C12orf75: variants seen among roughly 807,000 people sequenced by gnomAD.
C12orf75 encodes chromosome 12 open reading frame 75, also known as overexpressed in colon carcinoma 1 protein.
Under a neutral mutation model 11.4 loss-of-function variants are expected in C12orf75, and 4 were observed. That is an observed-to-expected ratio of 0.35 (90% CI 0.17 to 0.80). C12orf75 has a LOEUF of 0.80. Ranked by LOEUF, C12orf75 falls within the 30% of genes least tolerant of loss-of-function variation. The probability of loss-of-function intolerance (pLI) is 0.52; values close to 1 mark genes in which losing one functional copy is unlikely to be tolerated. For synonymous variants in C12orf75, 30 were observed against 30.0 expected, an observed-to-expected ratio of 1.00 and a Z score of 0.00; for missense variants, 89 against 80.4, an observed-to-expected ratio of 1.11 and a Z score of -0.41.
chr12:105,338,942 A>AT (rs759208639), intron 1 of C12orf75, among the ~76,000 whole-genome samples: 2 of 152,070 alleles, frequency 1.3e-5, no homozygotes, highest in Non-Finnish European at 2.9e-5. Context: ...TAAAAATGAG[A>AT]TTTTCTATAA....
chr12:105,359,914 A>G (rs1326998807), intron 2 of C12orf75, among the ~76,000 whole-genome samples: 1 of 152,142 alleles, frequency 6.6e-6, no homozygotes, highest in Non-Finnish European at 1.5e-5. Flanking sequence ...TTAACTCCCA[A>G]AGAGTGTGAT....
intron 2 of C12orf75, among the ~76,000 whole-genome samples, chr12:105,357,613 C>T (rs1892799504): frequency 6.6e-6 from 1 of 151,974 alleles, no homozygotes; most frequent in Admixed American, 6.6e-5. Context: ...GACTCAGAGC[C>T]CTGTAAGTGT....
At chr12:105,341,983 A>G (rs906076716) in intron 1 of C12orf75, among the ~76,000 whole-genome samples, 3 of 152,244 alleles carry the variant, frequency 2.0e-5, no homozygotes, top group African/African-American at 4.8e-5. Flanking sequence ...GTGTTCCACC[A>G]TGACTGTGAG....
At chr12:105,365,936 T>G (rs1336575187) in intron 3 of C12orf75, 94 bp downstream of exon 3, 1 of 837,270 alleles carries the variant, frequency 1.2e-6, no homozygotes, top group Non-Finnish European at 2.0e-6. Context: ...TAACACAGAT[T>G]CTGCCAGGAA....
intron 1 of C12orf75, among the ~76,000 whole-genome samples, chr12:105,344,295 A>C (rs1892609340): frequency 6.6e-6 from 1 of 152,152 alleles, no homozygotes; most frequent in Non-Finnish European, 1.5e-5. Context: ...CTGTCAGACA[A>C]ATACTGGCAT....
chr12:105,345,496 T>TA (rs907836807), intron 1 of C12orf75, among the ~76,000 whole-genome samples: 10 of 144,338 alleles, frequency 6.9e-5, no homozygotes, highest in African/African-American at 7.7e-5. Flanking sequence ...AAAACAAATA[T>TA]AAAAAAAAAA....
At chr12:105,366,801 T>A in intron 4 of C12orf75, 105 bp downstream of exon 4, 7 of 696,802 alleles carry the variant, frequency 1.0e-5, no homozygotes, top group Middle Eastern at 2.4e-4. Context: ...ACCTATGTAT[T>A]GGTTGCAGTG....
At chr12:105,345,454 C>T (rs1298221560) in intron 1 of C12orf75, among the ~76,000 whole-genome samples, 1 of 151,826 alleles carries the variant, frequency 6.6e-6, no homozygotes, top group East Asian at 1.9e-4. Context: ...GGCACCACTA[C>T]ACTCCAGCCT....
intron 1 of C12orf75, among the ~76,000 whole-genome samples, chr12:105,336,390 A>G (rs1355448757): frequency 1.3e-5 from 2 of 152,216 alleles, no homozygotes; most frequent in African/African-American, 2.4e-5. Context: ...AGGTTCCTTG[A>G]CCATAAAATG....
chr12:105,366,125 C>T (rs1435157278), intron 3 of C12orf75: 2 of 424,580 alleles, frequency 4.7e-6, no homozygotes, highest in African/African-American at 4.0e-5. Context: ...GACTTCCCTT[C>T]ATTCTCTCAG....
chr12:105,366,791 A>C lies in C12orf75; in HGVS notation c.187+95A>C, dbSNP rs1482346196. The stretch of plus-strand genomic sequence containing the variant: ...TTTATATTTCAGCTTACTCGACTCA[A>C]CCTATGTATTGGTTGCAGTGAACCA... On this transcript the variant is annotated intron_variant, in intron 4 of 5. Transcript: ENST00000443585. 7 of 760,834 alleles carry C rather than the reference A, an allele frequency of 9.2e-6. No homozygotes were observed. In the East Asian group the frequency reaches 1.9e-4, roughly 21 times the overall value. 47.1% of individuals were successfully genotyped at this position (760,834 alleles called of 1,614,324 possible).
intron 2 of C12orf75, among the ~76,000 whole-genome samples, chr12:105,350,492 CTTTCTG>C (rs1892698492): frequency 6.6e-6 from 1 of 152,160 alleles, no homozygotes; most frequent in Non-Finnish European, 1.5e-5. Flanking sequence ...TTCCCTTTCC[CTTTCTG>C]TTTATAGAAA....
intron 1 of C12orf75, among the ~76,000 whole-genome samples, chr12:105,339,989 A>G (rs1262071523): frequency 2.0e-5 from 3 of 152,208 alleles, no homozygotes; most frequent in Admixed American, 6.5e-5. Context: ...AAATACTCAC[A>G]TCAATAAATG....
chr12:105,338,989 A>G (rs1344420751), intron 1 of C12orf75, among the ~76,000 whole-genome samples: 1 of 152,232 alleles, frequency 6.6e-6, no homozygotes, highest in Non-Finnish European at 1.5e-5. Flanking sequence ...TTATGTCAAT[A>G]TATAATTTTA....
intron 2 of C12orf75, among the ~76,000 whole-genome samples, chr12:105,360,684 C>T (rs1253688803): frequency 2.6e-5 from 4 of 152,198 alleles, no homozygotes; most frequent in African/African-American, 9.7e-5. Context: ...CGGGGCCTTG[C>T]TCTTTCACCC....
At chr12:105,366,973 T>TA (rs1400130408) in intron 4 of C12orf75, among the ~76,000 whole-genome samples, 5 of 152,226 alleles carry the variant, frequency 3.3e-5, no homozygotes, top group Admixed American at 2.0e-4. Context: ...AAATGAAAGC[T>TA]AATATTTATG....
chr12:105,332,624 G>A (rs1205808948), intron 1 of C12orf75, among the ~76,000 whole-genome samples: 1 of 151,862 alleles, frequency 6.6e-6, no homozygotes, highest in Non-Finnish European at 1.5e-5. Context: ...CCAGCTATTT[G>A]GGAGGCTGAG....
intron 1 of C12orf75, among the ~76,000 whole-genome samples, chr12:105,341,825 G>A (rs929998875): frequency 1.3e-5 from 2 of 152,222 alleles, no homozygotes; most frequent in African/African-American, 4.8e-5. Flanking sequence ...TGGGCCAGAT[G>A]GAGGTAACTG....
intron 2 of C12orf75, among the ~76,000 whole-genome samples, chr12:105,365,084 G>T (rs1050995716): frequency 7.9e-5 from 12 of 151,950 alleles, no homozygotes; most frequent in African/African-American, 2.7e-4. Flanking sequence ...TGATCCGCCC[G>T]CCTCGGCCTC....
Sources: gnomAD v4.1 joint callset for allele counts (sites outside exome capture counted in the v4.1 genomes callset) on GRCh38, gnomAD v4.1.1 for gene constraint, MANE v1.5 for transcripts, NCBI Gene and HGNC (gene_info 2026-07-23, HGNC 2026-07-21) for gene names.